The following NAPG variants were observed in gnomAD, a reference collection of about 807,000 sequenced individuals.
NAPG encodes NSF attachment protein gamma.
In NAPG, 25 loss-of-function variants were observed where a neutral mutation model predicts 48.4. That is an observed-to-expected ratio of 0.52 (90% CI 0.38 to 0.72). NAPG has a LOEUF of 0.72. Ranked by LOEUF, NAPG falls within the 30% of genes least tolerant of loss-of-function variation. NAPG has a pLI of 0.00. For synonymous variants in NAPG, 139 were observed against 127.2 expected (o/e 1.09, Z -0.62); for missense variants, 359 against 372.5 (o/e 0.96, Z 0.30).
rs1158057850 is a variant in NAPG at position 10,550,459 on chromosome 18, T to C, written c.*239T>C. ...GACACCAGCAGGAATTAACAGAAAA[T>C]GTACTGTCATGTTTTAATACATTGA... On this transcript the variant is annotated 3_prime_UTR_variant, in exon 12 of 12. Transcript: ENST00000322897. The C allele has an allele frequency of 5.3e-6, 2 of 379,094 alleles. No homozygotes were observed. The highest frequency in any genetic ancestry group is 1.2e-4 in the East Asian group (2 of 16,550). 23.5% of individuals were successfully genotyped at this position (379,094 alleles called of 1,614,324 possible). A position where few individuals can be genotyped will look rare whatever the true frequency, so the allele number is the denominator to read the frequency against.
intron 1 of NAPG, 21 bp downstream of exon 1, chr18:10,526,179 G>A (rs772719681): frequency 6.2e-7 from 1 of 1,612,520 alleles, no homozygotes; most frequent in South Asian, 1.1e-5. Context: ...ACCTTCCGGG[G>A]GCCTGTGTGT....
chr18:10,530,204 T>A, intron 1 of NAPG, among the ~76,000 whole-genome samples: 1 of 138,762 alleles, frequency 7.2e-6, no homozygotes, highest in East Asian at 2.0e-4. Flanking sequence ...TTTTTTTTTT[T>A]TTTTTTTTTT....
At chr18:10,526,755 C>T (rs1348746917) in intron 1 of NAPG, 2 of 152,700 alleles carry the variant, frequency 1.3e-5, no homozygotes, top group African/African-American at 4.8e-5. Flanking sequence ...TGTCCTGCCA[C>T]CTCTGGTACA....
At chr18:10,540,542 T>A in intron 8 of NAPG, 143 bp downstream of exon 8, 1 of 577,282 alleles carries the variant, frequency 1.7e-6, no homozygotes, top group East Asian at 2.9e-5. Flanking sequence ...TATTAACATT[T>A]ACTAGACAGT....
At position 10,540,038 on chromosome 18, in the gene NAPG, C is replaced by T. The variant is rs1403750941; in HGVS notation, c.419C>T (p.Thr140Ile). Residue 140 changes from threonine to isoleucine, a missense_variant, in exon 7 of 12, where the codon ACA becomes ATA. Physicochemically the swap from Thr to Ile is moderately conservative, Grantham distance 89. Transcript: ENST00000322897. ...AAGGCTGTACAGTTATATCAACAGA[C>T]AGCTAATGTGTTTGAAGTAAGTTTG... is the stretch of plus-strand genomic sequence containing the variant. ...PEKAVQLYQQTANVFENEERL... is the reference protein window; with the variant it reads ...PEKAVQLYQQIANVFENEERL... The T allele has an allele frequency of 1.9e-6, 3 of 1,586,144 alleles. No homozygotes were observed. The highest frequency in any genetic ancestry group is 2.6e-6 in the Non-Finnish European group (3 of 1,164,942).
rs1463877055 is a variant in NAPG, at chr18:10,544,900, G to A, written c.507-1426G>A. The stretch of plus-strand genomic sequence containing the variant: ...TTTTATAAGGCACTAAGTTGCCAGC[G>A]TGCATCCCATAAAGATTCAGTTTAA... On this transcript the variant is annotated intron_variant, in intron 8 of 11. Transcript: ENST00000322897. This position sits in a 1 kb window ranked among gnomAD's most constrained non-coding sequence, Gnocchi z 5.1. Among the ~76,000 whole-genome samples, 2 of 152,150 alleles carry A rather than the reference G, an allele frequency of 1.3e-5. No homozygotes were observed. The highest frequency in any genetic ancestry group is 2.9e-5 in the Non-Finnish European group (2 of 68,044).
In NAPG at chr18:10,539,889, A is replaced by G; in HGVS notation, c.368+18A>G. 1.2e-6 allele frequency: 2 copies of G among 1,612,814 alleles called. No individual in the cohort carries two copies. Among genetic ancestry groups the G allele is most frequent in the Non-Finnish European group, 1.7e-6 (2 of 1,178,878 alleles). On this transcript the variant is annotated intron_variant, in intron 6 of 11. Transcript: ENST00000322897. The surrounding 1 kb of genome is among the most constrained non-coding windows in gnomAD (Gnocchi z 4.7). ...GCTGGAAAGTGAGTGTGAGATGGAC[A>G]AGTCTCTGCATAGAAGTCTTGTCTT...
intron 3 of NAPG, 142 bp from the exon 4 acceptor site, chr18:10,533,394 T>G (rs375962897): frequency 2.8e-5 from 17 of 610,890 alleles, no homozygotes; most frequent in African/African-American, 2.7e-4. Context: ...ATTGAATTAC[T>G]TCTTTTTTAC....
chr18:10,533,920 G>A (rs1021853501), intron 4 of NAPG, among the ~76,000 whole-genome samples: 2 of 152,200 alleles, frequency 1.3e-5, no homozygotes, highest in African/African-American at 2.4e-5. Flanking sequence ...CGAGGCAGGC[G>A]GATCACTTGA....
At chr18:10,545,268 C>T (rs1463943463) in intron 8 of NAPG, among the ~76,000 whole-genome samples, 10 of 152,114 alleles carry the variant, frequency 6.6e-5, no homozygotes, top group East Asian at 1.9e-4. Context: ...GCCGAGATGT[C>T]GCCACTGCAC....
At position 10,549,098 on chromosome 18, in the gene NAPG, T is replaced by C. The variant is rs776828124; in HGVS notation, c.795+2T>C. 1.9e-6 allele frequency: 3 copies of C among 1,611,058 alleles called. No individual in the cohort carries two copies. The East Asian group carries it at 6.7e-5, about 36-fold the overall frequency. ...CTTTTCAAGTACATGGACAATGATG[T>C]AAGTGGACCCATTTGCATAGCTTTC... is the stretch of plus-strand genomic sequence containing the variant. On this transcript the variant is annotated splice_donor_variant, in intron 11 of 11. Transcript: ENST00000322897. LOFTEE classifies it high-confidence loss of function.
chr18:10,530,869 A>G (rs2031914999), intron 2 of NAPG, 32 bp downstream of exon 2: 4 of 1,480,478 alleles, frequency 2.7e-6, no homozygotes, highest in South Asian at 1.3e-5. Flanking sequence ...TTGCTCCAGT[A>G]TGTAATCTTA....
chr18:10,528,981 T>C (rs963898928), intron 1 of NAPG, among the ~76,000 whole-genome samples: 1 of 152,258 alleles, frequency 6.6e-6, no homozygotes, highest in Admixed American at 6.5e-5. Context: ...GTTTTCTTTT[T>C]TTCTGTGGAA....
chr18:10,526,483 GC>G, intron 1 of NAPG: 1 of 342,634 alleles, frequency 2.9e-6, no homozygotes, highest in Non-Finnish European at 5.4e-6. Flanking sequence ...TGTGGTGGGG[GC>G]TGTCTGTGCA....
intron 3 of NAPG, 166 bp from the exon 4 acceptor site, chr18:10,533,370 C>T: frequency 2.0e-6 from 1 of 495,334 alleles, no homozygotes; most frequent in Non-Finnish European, 3.5e-6. Flanking sequence ...TAGTTTTAAA[C>T]TATATTGACA....
At chr18:10,532,902 A>G in intron 3 of NAPG, 107 bp downstream of exon 3, 1 of 926,720 alleles carries the variant, frequency 1.1e-6, no homozygotes, top group Non-Finnish European at 1.6e-6. Context: ...AAATGTTTTT[A>G]AATTAGAAAA....
chr18:10,547,779 C>A (rs2032299390), intron 9 of NAPG, among the ~76,000 whole-genome samples: 1 of 152,120 alleles, frequency 6.6e-6, no homozygotes, highest in African/African-American at 2.4e-5. Context: ...TCAGTCATAT[C>A]CTTGATCTTA....
At position 10,550,340 on chromosome 18, in the gene NAPG, TAA is replaced by T; in HGVS notation, c.*122_*123del. 2 of 1,102,904 alleles carry T rather than the reference TAA, an allele frequency of 1.8e-6. No homozygotes were observed. Among genetic ancestry groups the T allele is most frequent in the South Asian group, 1.7e-5 (1 of 57,300 alleles). The allele number at this position is 1,102,904 out of a possible 1,614,324, so 68.3% of individuals were successfully genotyped here. A position where few individuals can be genotyped will look rare whatever the true frequency, so the allele number is the denominator to read the frequency against. On this transcript the variant is annotated 3_prime_UTR_variant, in exon 12 of 12. Coordinates refer to ENST00000322897, the MANE Select transcript of NAPG (RefSeq NM_003826.3). ...TTACAGTCATGATTTTGGATCCTAATAAAGACTAGTTTTTAGTTACCATCTTC... is the reference window on the plus strand; with the variant it reads ...TTACAGTCATGATTTTGGATCCTAATAGACTAGTTTTTAGTTACCATCTTC...
At chr18:10,541,245 A>G (rs941829179) in intron 8 of NAPG, among the ~76,000 whole-genome samples, 2 of 152,232 alleles carry the variant, frequency 1.3e-5, no homozygotes, top group African/African-American at 4.8e-5. Flanking sequence ...TAATTTGTTT[A>G]TAGGACCTTC....
Sources: gnomAD v4.1 joint callset for allele counts (sites outside exome capture counted in the v4.1 genomes callset) on GRCh38, gnomAD v4.1.1 for gene constraint, Gnocchi (gnomAD v3.1) non-coding constraint, MANE v1.5 for transcripts, NCBI Gene and HGNC (gene_info 2026-07-23, HGNC 2026-07-21) for gene names.